RELN: variants seen among roughly 807,000 people sequenced by gnomAD.
RELN encodes the protein reelin.
Under a neutral mutation model 427.6 loss-of-function variants are expected in RELN, and 108 were observed. The ratio of observed to expected loss-of-function variants is 0.25; its 90% CI spans 0.22 to 0.30. The LOEUF (loss-of-function observed/expected upper bound fraction) is 0.30. RELN is among the 10% of genes least tolerant of loss of function. RELN has a pLI of 1.00. For missense variants in RELN, 3,715 were observed against 4,302.8 expected (o/e 0.86, Z 3.82); for synonymous variants, 1,524 against 1,513.4 (o/e 1.01, Z -0.16).
chr7:103,707,718 C>T (rs535097639), intron 8 of RELN, among the ~76,000 whole-genome samples: 5 of 152,138 alleles, frequency 3.3e-5, no homozygotes, highest in South Asian at 4.2e-4. Flanking sequence ...AGGATGGTCT[C>T]GATCTCTTGA....
At chr7:103,986,610 C>G (rs1797102163) in intron 1 of RELN, among the ~76,000 whole-genome samples, 1 of 133,314 alleles carries the variant, frequency 7.5e-6, no homozygotes, top group Admixed American at 8.3e-5. Flanking sequence ...CCACCTCTAT[C>G]TCAATGCATT....
intron 4 of RELN, among the ~76,000 whole-genome samples, chr7:103,776,197 CAAT>C (rs1171546310): frequency 9.2e-5 from 14 of 151,944 alleles, no homozygotes; most frequent in African/African-American, 2.4e-4. Flanking sequence ...ATGTTAAAAG[CAAT>C]AATCAGAAAC....
chr7:103,544,855 C>G (rs1389274243), intron 42 of RELN, among the ~76,000 whole-genome samples: 4 of 152,084 alleles, frequency 2.6e-5, no homozygotes, highest in African/African-American at 9.7e-5. Context: ...TGTCATTAGG[C>G]AGAAATTACA....
intron 7 of RELN, among the ~76,000 whole-genome samples, chr7:103,725,378 C>T (rs1315154006): frequency 6.6e-6 from 1 of 152,058 alleles, no homozygotes; most frequent in African/African-American, 2.4e-5. Context: ...CATAGGGAGA[C>T]CTCATCTCTA....
intron 42 of RELN, among the ~76,000 whole-genome samples, chr7:103,543,600 T>C (rs73418569): frequency 8.0e-4 from 122 of 152,218 alleles, no homozygotes; most frequent in African/African-American, 2.8e-3. Context: ...TAGCCGAAGA[T>C]TGTGCCACTT....
intron 1 of RELN, 51 bp from the exon 2 acceptor site, chr7:103,917,236 A>T: frequency 7.6e-7 from 1 of 1,323,344 alleles, no homozygotes; most frequent in Non-Finnish European, 1.1e-6. Flanking sequence ...AGAATAACAC[A>T]ATATATTTCT....
intron 2 of RELN, among the ~76,000 whole-genome samples, chr7:103,892,198 C>T (rs117328598): frequency 0.012 from 1,900 of 152,260 alleles, 18 homozygotes; most frequent in Non-Finnish European, 0.02. Context: ...AAATTGATGT[C>T]CAAGGTGACC....
rs1199009421 is a variant in RELN at position 103,651,788 on chromosome 7, C to T, written c.1765G>A (p.Val589Ile). Reference protein sequence around the residue: ...GCGTHQPGNSVSLEFSTNHGR... With the variant: ...GCGTHQPGNSISLEFSTNHGR... ...TGGTTGGTAGAAAATTCCAAGCTGA[C>T]ACTAATAAAACCAGAACAAGCACAC... The change falls in exon 15 of 65, where the codon GTC becomes ATC. Residue 589 changes from valine to isoleucine, a missense_variant and splice_region_variant. Val to Ile is a conservative substitution (Grantham distance 29). Transcript: ENST00000428762. 18 of 1,611,026 alleles carry T rather than the reference C, an allele frequency of 1.1e-5. No individual in the cohort carries two copies. The highest frequency in any genetic ancestry group is 1.4e-5 in the Non-Finnish European group (17 of 1,178,244).
At chr7:103,910,259 T>G in intron 2 of RELN, among the ~76,000 whole-genome samples, 1 of 142,636 alleles carries the variant, frequency 7.0e-6, no homozygotes, top group Non-Finnish European at 1.5e-5. Context: ...TGTACATTGA[T>G]TTTGTATCCT....
intron 1 of RELN, among the ~76,000 whole-genome samples, chr7:103,926,385 C>A (rs960988870): frequency 4.6e-5 from 7 of 151,878 alleles, no homozygotes; most frequent in African/African-American, 7.3e-5. Context: ...TGAGCCACTG[C>A]ACCTGGCCAG....
In RELN at chr7:103,988,640, G is replaced by C. The variant is rs1169648119; in HGVS notation, c.226+491C>G. Among the ~76,000 whole-genome samples, 2 of 152,124 alleles carry C rather than the reference G, an allele frequency of 1.3e-5. No individual in the cohort carries two copies. The highest frequency in any genetic ancestry group is 2.9e-5 in the Non-Finnish European group (2 of 68,022). On this transcript the variant is annotated intron_variant, in intron 1 of 64. Coordinates refer to ENST00000428762, the MANE Select transcript of RELN (RefSeq NM_005045.4). This position sits in a 1 kb window ranked among gnomAD's most constrained non-coding sequence, Gnocchi z 4.9. The stretch of plus-strand genomic sequence containing the variant: ...GGCTGGTGAGCAGCGGGAACTTTGC[G>C]GTCGAGCGGCGCGGGGCAGCCACAG...
chr7:103,589,877 T>G, intron 27 of RELN, 49 bp from the exon 28 acceptor site: 1 of 1,151,720 alleles, frequency 8.7e-7, no homozygotes, highest in Non-Finnish European at 1.3e-6. Context: ...TTCTAAGTCA[T>G]CACTCAACAA....
At chr7:103,850,120 A>G (rs909854081) in intron 2 of RELN, among the ~76,000 whole-genome samples, 8 of 152,188 alleles carry the variant, frequency 5.3e-5, no homozygotes, top group African/African-American at 1.7e-4. Context: ...GACTTTTTCT[A>G]TCCACAAAAT....
intron 42 of RELN, 46 bp downstream of exon 42, chr7:103,545,078 A>T: frequency 1.4e-6 from 2 of 1,461,614 alleles, no homozygotes; most frequent in Admixed American, 3.3e-5. Flanking sequence ...TGTTTAACAT[A>T]TAAGTTCTTT....
chr7:103,876,030 T>C (rs1279740453), intron 2 of RELN, among the ~76,000 whole-genome samples: 1 of 152,104 alleles, frequency 6.6e-6, no homozygotes, highest in East Asian at 1.9e-4. Context: ...AAACAGGAAT[T>C]CCCAAGTAAC....
At chr7:103,917,042 C>T (rs753052654) in intron 2 of RELN, 33 bp downstream of exon 2, 2 of 1,464,580 alleles carry the variant, frequency 1.4e-6, no homozygotes, top group South Asian at 2.3e-5. Flanking sequence ...GTATAAAATA[C>T]CCCCAAATTT....
At chr7:103,661,233 C>T (rs1321299809) in intron 12 of RELN, 143 bp downstream of exon 12, 2 of 906,852 alleles carry the variant, frequency 2.2e-6, no homozygotes, top group Non-Finnish European at 3.5e-6. Context: ...GGGAGTACCA[C>T]AGGCTTCTGC....
intron 20 of RELN, 44 bp from the exon 21 acceptor site, chr7:103,611,847 G>T: frequency 6.7e-7 from 1 of 1,486,890 alleles, no homozygotes; most frequent in Non-Finnish European, 9.4e-7. Flanking sequence ...TAAACACAAT[G>T]TATTAGAGAA....
intron 4 of RELN, among the ~76,000 whole-genome samples, chr7:103,762,911 A>G (rs1791338287): frequency 6.6e-6 from 1 of 152,226 alleles, no homozygotes; most frequent in Admixed American, 6.5e-5. Flanking sequence ...CGAGGGTAGA[A>G]AAATAATACA....
Sources: allele counts gnomAD v4.1 joint callset (sites outside exome capture counted in the v4.1 genomes callset), GRCh38; gene constraint gnomAD v4.1.1; non-coding constraint Gnocchi (gnomAD v3.1); transcripts MANE v1.5; gene names NCBI Gene and HGNC (gene_info 2026-07-23, HGNC 2026-07-21).